The following PTPRT variants were observed in gnomAD, a reference collection of about 807,000 sequenced individuals.
PTPRT encodes the protein receptor-type tyrosine-protein phosphatase T.
In PTPRT, 56 loss-of-function variants were observed where a neutral mutation model predicts 176.8. The observed-to-expected ratio is 0.32, with a 90% CI of 0.26 to 0.40. The LOEUF is 0.40. PTPRT is among the 10% of genes least tolerant of loss of function. PTPRT has a pLI of 1.00. For synonymous variants in PTPRT, 783 were observed against 739.0 expected (o/e 1.06, Z -0.96); for missense variants, 1,540 against 1,908.2 (o/e 0.81, Z 3.60).
In PTPRT at chr20:42,677,704, C is replaced by CA. The variant is rs371563153; in HGVS notation, c.1153+161dup. ...GAAGGTCCTCTAAAAAACAAACAAACAAAAAAAACCCCAAGGCCTTGATCC... is the reference window on the plus strand; with the variant it reads ...GAAGGTCCTCTAAAAAACAAACAAACAAAAAAAAACCCCAAGGCCTTGATCC... On this transcript the variant is annotated intron_variant, in intron 7 of 30. Transcript: ENST00000373187. Among the ~76,000 whole-genome samples the CA allele has an allele frequency of 1.2e-3, 185 of 151,484 alleles. 1 individual carries two copies. The highest frequency in any genetic ancestry group is 4.0e-3 in the African/African-American group (165 of 41,326).
chr20:42,185,567 A>G (rs1252645269), intron 16 of PTPRT, among the ~76,000 whole-genome samples: 1 of 152,222 alleles, frequency 6.6e-6, no homozygotes, highest in African/African-American at 2.4e-5. Flanking sequence ...GCTAAGATCC[A>G]GATAGCATCT....
intron 7 of PTPRT, among the ~76,000 whole-genome samples, chr20:42,570,250 C>T (rs1035263485): frequency 1.3e-5 from 2 of 152,140 alleles, no homozygotes; most frequent in Non-Finnish European, 2.9e-5. Flanking sequence ...GATGTCACAC[C>T]TGGAAACCCG....
At chr20:42,851,097 T>A (rs1374206683) in intron 2 of PTPRT, among the ~76,000 whole-genome samples, 1 of 152,176 alleles carries the variant, frequency 6.6e-6, no homozygotes, top group Non-Finnish European at 1.5e-5. Context: ...GTTTCAAACA[T>A]CCAAGATACT....
intron 1 of PTPRT, among the ~76,000 whole-genome samples, chr20:43,133,354 T>G (rs773310315): frequency 8.5e-5 from 13 of 152,158 alleles, no homozygotes; most frequent in Admixed American, 3.9e-4. Context: ...TTCATGCAAG[T>G]TACAGCTAAG....
At chr20:42,202,367 G>A (rs1043079541) in intron 15 of PTPRT, among the ~76,000 whole-genome samples, 6 of 152,052 alleles carry the variant, frequency 3.9e-5, no homozygotes, top group East Asian at 1.9e-4. Flanking sequence ...AAGTTGGCTC[G>A]GGGAAAGAAA....
intron 2 of PTPRT, among the ~76,000 whole-genome samples, chr20:42,807,223 T>C (rs1292667714): frequency 6.6e-6 from 1 of 152,206 alleles, no homozygotes; most frequent in African/African-American, 2.4e-5. Context: ...GATGCACATC[T>C]TCCTTTTGTT....
intron 1 of PTPRT, among the ~76,000 whole-genome samples, chr20:43,080,808 C>A (rs2011420610): frequency 6.6e-6 from 1 of 152,176 alleles, no homozygotes; most frequent in African/African-American, 2.4e-5. Flanking sequence ...GCTGGAAATG[C>A]AGGACATGGG....
intron 16 of PTPRT, among the ~76,000 whole-genome samples, chr20:42,192,318 C>A (rs898505086): frequency 6.6e-6 from 1 of 152,098 alleles, no homozygotes; most frequent in Non-Finnish European, 1.5e-5. Context: ...CAGCCAGCCT[C>A]TATTGTTTTA....
At chr20:42,262,469 C>A (rs989883532) in intron 13 of PTPRT, among the ~76,000 whole-genome samples, 1 of 152,222 alleles carries the variant, frequency 6.6e-6, no homozygotes, top group Non-Finnish European at 1.5e-5. Flanking sequence ...TTTGGGGGAG[C>A]TCCAAACAAG....
chr20:42,452,413 G>T (rs1482973841), intron 8 of PTPRT, among the ~76,000 whole-genome samples: 1 of 152,136 alleles, frequency 6.6e-6, no homozygotes, highest in African/African-American at 2.4e-5. Flanking sequence ...GGAGAGGATG[G>T]AAATGTGCTA....
intron 1 of PTPRT, among the ~76,000 whole-genome samples, chr20:42,915,601 T>C (rs1978690382): frequency 6.6e-6 from 1 of 152,118 alleles, no homozygotes; most frequent in South Asian, 2.1e-4. Context: ...TGATTGGTTA[T>C]CTATCTATCT....
intron 23 of PTPRT, among the ~76,000 whole-genome samples, chr20:42,109,069 A>AC (rs768646452): frequency 6.6e-6 from 1 of 152,222 alleles, no homozygotes; most frequent in African/African-American, 2.4e-5. Flanking sequence ...CATGCAAAAC[A>AC]TTTAGAGAGT....
At chr20:42,325,478 C>T (rs1342854429) in intron 11 of PTPRT, among the ~76,000 whole-genome samples, 8 of 152,150 alleles carry the variant, frequency 5.3e-5, no homozygotes, top group Non-Finnish European at 1.2e-4. Context: ...TCAATCATGG[C>T]TCTTCTCTCT....
In PTPRT at chr20:42,640,080, A is replaced by T. The variant is rs1346770159; in HGVS notation, c.1153+37786T>A. The stretch of plus-strand genomic sequence containing the variant: ...TGGAGTTCATTCTTTACCTGCTACA[A>T]TCTGGTTTCTGCCCATACCACACCT... On this transcript the variant is annotated intron_variant, in intron 7 of 30. Transcript: ENST00000373187. Among the ~76,000 whole-genome samples the T allele has an allele frequency of 3.9e-5, 6 of 152,224 alleles. 1 individual carries two copies. The highest frequency in any genetic ancestry group is 1.4e-4 in the African/African-American group (6 of 41,530).
chr20:42,487,493 G>GTGAA (rs2071483221), intron 7 of PTPRT, among the ~76,000 whole-genome samples: 1 of 152,182 alleles, frequency 6.6e-6, no homozygotes, highest in African/African-American at 2.4e-5. Flanking sequence ...AAAGAACACT[G>GTGAA]TGAACGTGAT....
At chr20:42,422,360 G>GA (rs943031714) in intron 9 of PTPRT, among the ~76,000 whole-genome samples, 51 of 151,700 alleles carry the variant, frequency 3.4e-4, no homozygotes, top group African/African-American at 1.2e-3. Context: ...ATTTACAAGA[G>GA]AAAAAAAACC....
chr20:42,943,835 C>G (rs923307926), intron 1 of PTPRT, among the ~76,000 whole-genome samples: 1 of 151,914 alleles, frequency 6.6e-6, no homozygotes, highest in Non-Finnish European at 1.5e-5. Context: ...GGCAACATAG[C>G]AACACCCTGT....
intron 9 of PTPRT, among the ~76,000 whole-genome samples, chr20:42,405,390 G>C (rs1037917140): frequency 6.6e-6 from 1 of 151,676 alleles, no homozygotes; most frequent in Non-Finnish European, 1.5e-5. Context: ...CCCCTTCCTG[G>C]GTCCACCTGT....
chr20:42,235,559 C>T (rs2056225286), intron 15 of PTPRT, among the ~76,000 whole-genome samples: 1 of 152,022 alleles, frequency 6.6e-6, no homozygotes, highest in African/African-American at 2.4e-5. Context: ...GCACCTGGCC[C>T]TCTGTTTTAT....
Sources: allele counts gnomAD v4.1 joint callset (sites outside exome capture counted in the v4.1 genomes callset), GRCh38; gene constraint gnomAD v4.1.1; transcripts MANE v1.5; gene names NCBI Gene and HGNC (gene_info 2026-07-23, HGNC 2026-07-21).